Variants in COMMD8 observed in about 807,000 individuals in gnomAD.
The protein encoded by COMMD8 is COMM domain-containing protein 8.
COMMD8 carries 28 observed loss-of-function variants against 27.2 expected under a neutral mutation model. That is an observed-to-expected ratio of 1.03 (90% CI 0.76 to 1.41). The LOEUF is 1.41. Ranked by LOEUF, COMMD8 falls within the 40% of genes most tolerant of loss-of-function variation. The probability of loss-of-function intolerance (pLI) is 0.00; values close to 1 mark genes in which losing one functional copy is unlikely to be tolerated. For synonymous variants in COMMD8, 79 were observed against 75.5 expected, an observed-to-expected ratio of 1.05 and a Z score of -0.24; for missense variants, 217 against 211.2, an observed-to-expected ratio of 1.03 and a Z score of -0.17.
At chr4:47,462,653 G>A (rs1265776534) in intron 1 of COMMD8, among the ~76,000 whole-genome samples, 1 of 152,190 alleles carries the variant, frequency 6.6e-6, no homozygotes, top group African/African-American at 2.4e-5. Context: ...AATGGGTAGA[G>A]TGAAGACAAG....
Position 47,451,241 on chromosome 4 carries a change from T to C in COMMD8, c.*404A>G, listed in dbSNP as rs1729744145. 1 of 186,134 alleles carries C rather than the reference T, an allele frequency of 5.4e-6. No individual in the cohort carries two copies. The highest frequency in any genetic ancestry group is 1.0e-4 in the South Asian group (1 of 9,760). 11.5% of individuals were successfully genotyped at this position (186,134 alleles called of 1,614,324 possible). A position where few individuals can be genotyped will look rare whatever the true frequency, so the allele number is the denominator to read the frequency against. ...ATTATTTTTTAAAAATATCACAAAG[T>C]ATATATCCATAATATATGTTGCTAT... On this transcript the variant is annotated 3_prime_UTR_variant, in exon 5 of 5. Coordinates refer to ENST00000381571, the MANE Select transcript of COMMD8 (RefSeq NM_017845.5).
intron 2 of COMMD8, among the ~76,000 whole-genome samples, chr4:47,457,328 T>C (rs1729920757): frequency 6.6e-6 from 1 of 152,096 alleles, no homozygotes; most frequent in Non-Finnish European, 1.5e-5. Flanking sequence ...CCTAACACCA[T>C]AGCTTCAAAA....
At chr4:47,453,547 GCAC>G in intron 3 of COMMD8, among the ~76,000 whole-genome samples, 1 of 152,218 alleles carries the variant, frequency 6.6e-6, no homozygotes, top group South Asian at 2.1e-4. Context: ...AAGACTGAAG[GCAC>G]CAAGAAGATG....
intron 1 of COMMD8, among the ~76,000 whole-genome samples, chr4:47,461,023 C>T (rs73813545): frequency 0.042 from 6,353 of 152,256 alleles, 429 homozygotes; most frequent in African/African-American, 0.15. Context: ...TCTGAGTCTG[C>T]TTCCTCAAGT....
At chr4:47,454,864 CAAA>C (rs1187989270) in intron 3 of COMMD8, among the ~76,000 whole-genome samples, 27 of 39,518 alleles carry the variant, frequency 6.8e-4, no homozygotes, top group African/African-American at 2.3e-3. Context: ...AACTCCATCT[CAAA>C]AAAAAAAAAA....
At chr4:47,462,616 G>A (rs778815021) in intron 1 of COMMD8, among the ~76,000 whole-genome samples, 147 of 152,140 alleles carry the variant, frequency 9.7e-4, no homozygotes, top group Non-Finnish European at 1.6e-3. Flanking sequence ...CGACATATAT[G>A]GTAATAAAGG....
At chr4:47,461,199 C>T (rs1403912349) in intron 1 of COMMD8, among the ~76,000 whole-genome samples, 1 of 152,180 alleles carries the variant, frequency 6.6e-6, no homozygotes, top group African/African-American at 2.4e-5. Flanking sequence ...CAATTCATGC[C>T]TTCAGCATCT....
At position 47,462,366 on chromosome 4, in the gene COMMD8, G is replaced by C. The variant is rs554406064; in HGVS notation, c.66+1220C>G. Among the ~76,000 whole-genome samples the C allele has an allele frequency of 9.9e-5, 15 of 152,216 alleles. No individual in the cohort carries two copies. In the East Asian group the frequency reaches 2.9e-3, roughly 29 times the overall value. ...TGAAACCTAGAACGTCAGGTTGAGAGGGGCTGGGTGAAAGTGGTGGTGCCA... is the reference window on the plus strand; with the variant it reads ...TGAAACCTAGAACGTCAGGTTGAGACGGGCTGGGTGAAAGTGGTGGTGCCA... On this transcript the variant is annotated intron_variant, in intron 1 of 4. Transcript: ENST00000381571.
At chr4:47,454,170 G>C (rs73813540) in intron 3 of COMMD8, among the ~76,000 whole-genome samples, 2,242 of 152,244 alleles carry the variant, frequency 0.015, 50 homozygotes, top group African/African-American at 0.051. Context: ...TGATGCATGT[G>C]CTACCTTGAG....
intron 3 of COMMD8, among the ~76,000 whole-genome samples, chr4:47,455,410 T>C (rs1423394287): frequency 6.6e-6 from 1 of 152,162 alleles, no homozygotes; most frequent in Non-Finnish European, 1.5e-5. Flanking sequence ...TCTGTTTAGG[T>C]TGCCTGATTA....
At chr4:47,463,296 G>C (rs1017143769) in intron 1 of COMMD8, among the ~76,000 whole-genome samples, 1 of 152,232 alleles carries the variant, frequency 6.6e-6, no homozygotes, top group Non-Finnish European at 1.5e-5. Context: ...TTAAGAAAAC[G>C]TATACTAAGA....
chr4:47,463,632 G>A lies in COMMD8; in HGVS notation c.20C>T (p.Thr7Met), dbSNP rs1251858888. 1.9e-6 allele frequency: 3 copies of A among 1,548,878 alleles called. No homozygotes were observed. The highest frequency in any genetic ancestry group is 2.7e-5 in the African/African-American group (2 of 72,908). The change falls in exon 1 of 5, where the codon ACG (threonine) becomes ATG (methionine). Residue 7 changes from threonine to methionine, a missense_variant. By Grantham distance (81) the Thr-to-Met change is moderately conservative (BLOSUM62 -1). Coordinates refer to ENST00000381571, the MANE Select transcript of COMMD8 (RefSeq NM_017845.5). MEPEEG[T>M]PLWRLQKLPA... ...CAGCTTCTGCAGCCGCCACAAGGGC[G>A]TCCCCTCTTCCGGCTCCATCCCTGC...
At chr4:47,455,850 T>C (rs1325429221) in intron 3 of COMMD8, among the ~76,000 whole-genome samples, 2 of 152,220 alleles carry the variant, frequency 1.3e-5, no homozygotes, top group African/African-American at 2.4e-5. Context: ...CAAAATGTAT[T>C]AAAAACTAAT....
At chr4:47,462,373 G>C (rs556253987) in intron 1 of COMMD8, among the ~76,000 whole-genome samples, 1 of 152,076 alleles carries the variant, frequency 6.6e-6, no homozygotes, top group South Asian at 2.1e-4. Flanking sequence ...AGAGGGGCTG[G>C]GTGAAAGTGG....
chr4:47,462,003 T>C (rs1019625060), intron 1 of COMMD8, among the ~76,000 whole-genome samples: 4 of 151,700 alleles, frequency 2.6e-5, no homozygotes, highest in Non-Finnish European at 4.4e-5. Context: ...AGAGAAGAAG[T>C]GCATTTCTAG....
At chr4:47,463,565 T>A in intron 1 of COMMD8, 21 bp downstream of exon 1, 1 of 1,540,010 alleles carries the variant, frequency 6.5e-7, no homozygotes, top group Non-Finnish European at 8.7e-7. Flanking sequence ...CCGCGCCGCT[T>A]CCCCCGGTAC....
chr4:47,457,083 T>G (rs1374322787), intron 2 of COMMD8, among the ~76,000 whole-genome samples: 1 of 152,152 alleles, frequency 6.6e-6, no homozygotes, highest in African/African-American at 2.4e-5. Context: ...TAGTTGAGAT[T>G]TCAGATTTTT....
At chr4:47,457,846 A>G (rs560921619) in intron 2 of COMMD8, among the ~76,000 whole-genome samples, 61 of 151,628 alleles carry the variant, frequency 4.0e-4, no homozygotes, top group Non-Finnish European at 1.6e-4. Context: ...AGGAAAAGAA[A>G]AAAAAAAAAC....
chr4:47,463,633 T>A lies in COMMD8; in HGVS notation c.19A>T (p.Thr7Ser), dbSNP rs1024324054. 8 of 1,548,906 alleles carry A rather than the reference T, an allele frequency of 5.2e-6. No homozygotes were observed. The highest frequency in any genetic ancestry group is 2.7e-5 in the African/African-American group (2 of 72,888). The change falls in exon 1 of 5, where the codon ACG (threonine) becomes TCG (serine). Residue 7 changes from threonine to serine, a missense_variant. Thr to Ser is a moderately conservative substitution (Grantham distance 58). Transcript: ENST00000381571. Reference protein sequence around the residue: MEPEEGTPLWRLQKLPA... With the variant: MEPEEGSPLWRLQKLPA... ...AGCTTCTGCAGCCGCCACAAGGGCG[T>A]CCCCTCTTCCGGCTCCATCCCTGCG...
Sources: allele counts gnomAD v4.1 joint callset (sites outside exome capture counted in the v4.1 genomes callset), GRCh38; gene constraint gnomAD v4.1.1; transcripts MANE v1.5; gene names NCBI Gene and HGNC (gene_info 2026-07-23, HGNC 2026-07-21).